Variants in FSD1 observed in about 807,000 individuals in gnomAD.
The protein encoded by FSD1 is fibronectin type III and SPRY domain-containing protein 1.
FSD1 carries 23 observed loss-of-function variants against 58.2 expected under a neutral mutation model. The observed-to-expected ratio is 0.40, with a 90% CI of 0.28 to 0.56. The LOEUF is 0.56. Ranked by LOEUF, FSD1 falls within the 20% of genes least tolerant of loss-of-function variation. FSD1 has a pLI of 0.54. For synonymous variants in FSD1, 265 were observed against 263.4 expected, an observed-to-expected ratio of 1.01 and a Z score of -0.06; for missense variants, 563 against 670.8, an observed-to-expected ratio of 0.84 and a Z score of 1.78.
intron 7 of FSD1, among the ~76,000 whole-genome samples, chr19:4,315,098 G>A (rs1971738622): frequency 6.6e-6 from 1 of 151,846 alleles, no homozygotes; most frequent in Non-Finnish European, 1.5e-5. Context: ...GGGAGGGTTT[G>A]GGTTATTTTC....
At chr19:4,305,191 C>G (rs1040209235) in intron 1 of FSD1, among the ~76,000 whole-genome samples, 2 of 149,092 alleles carry the variant, frequency 1.3e-5, no homozygotes, top group Non-Finnish European at 3.0e-5. Context: ...CGAGCGGGAT[C>G]CTCCCTCCCA....
rs765632467 is a variant in FSD1 at position 4,311,824 on chromosome 19, C to T, written c.491-18C>T. 1.2e-6 allele frequency: 2 copies of T among 1,613,332 alleles called. No homozygotes were observed. Among genetic ancestry groups the T allele is most frequent in the South Asian group, 2.2e-5 (2 of 91,036 alleles). ...CAGGCACAGAATCCCGACCCCCTCTCCTTTCCGTCTTGGTCAGTGCCCAGC... is the reference window on the plus strand; with the variant it reads ...CAGGCACAGAATCCCGACCCCCTCTTCTTTCCGTCTTGGTCAGTGCCCAGC... On this transcript the variant is annotated intron_variant, in intron 6 of 12. Coordinates refer to ENST00000221856, the MANE Select transcript of FSD1 (RefSeq NM_024333.3).
At chr19:4,310,043 C>G (rs1419444889) in intron 4 of FSD1, among the ~76,000 whole-genome samples, 1 of 151,720 alleles carries the variant, frequency 6.6e-6, no homozygotes, top group African/African-American at 2.4e-5. Context: ...GTGTGGCCAA[C>G]ATGGCAAAAC....
chr19:4,315,141 T>C (rs1341648539), intron 7 of FSD1, among the ~76,000 whole-genome samples: 2 of 152,000 alleles, frequency 1.3e-5, no homozygotes, highest in Non-Finnish European at 2.9e-5. Context: ...TTTTCTTTTT[T>C]TTGAGACAGA....
intron 8 of FSD1, 82 bp from the exon 9 acceptor site, chr19:4,318,264 G>A: frequency 6.4e-7 from 1 of 1,573,412 alleles, no homozygotes; most frequent in South Asian, 1.1e-5. Flanking sequence ...GGTCTGTCTT[G>A]GTCACTCTCT....
At chr19:4,318,312 C>T (rs776516335) in intron 8 of FSD1, 34 bp from the exon 9 acceptor site, 7 of 1,613,316 alleles carry the variant, frequency 4.3e-6, no homozygotes, top group South Asian at 1.1e-5. Flanking sequence ...CGGGTTTCCC[C>T]ATCTCTGTGA....
intron 4 of FSD1, 73 bp downstream of exon 4, chr19:4,308,056 A>G (rs1971642631): frequency 2.5e-6 from 3 of 1,201,414 alleles, no homozygotes; most frequent in Non-Finnish European, 3.6e-6. Flanking sequence ...GAACAAGCAC[A>G]TTTTTAGTGT....
chr19:4,304,776 G>T lies in FSD1; in HGVS notation c.15+15G>T, dbSNP rs1257612149. ...AAGAACAGAGGGTAGGACGGGGTGG[G>T]GCAGGGCGGGCCCGCAGGGGCGTCG... is the stretch of plus-strand genomic sequence containing the variant. On this transcript the variant is annotated intron_variant, in intron 1 of 12. Transcript: ENST00000221856. The T allele has an allele frequency of 2.0e-6, 1 of 488,518 alleles. No individual in the cohort carries two copies. The highest frequency in any genetic ancestry group is 1.2e-4 in the South Asian group (1 of 8,228). 30.3% of individuals were successfully genotyped at this position (488,518 alleles called of 1,614,324 possible).
Position 4,318,929 on chromosome 19 carries a change from C to G in FSD1, c.1017C>G (p.Thr339=). The change falls in exon 10 of 13, where the codon ACC becomes ACG. Residue 339 remains threonine (T), a synonymous_variant. Transcript: ENST00000221856. ...PSGRGGRDRF[T]AESYTVLGDT... Reference sequence around the variant, plus strand: ...GTCGTGGGGGACGGGACCGCTTCACCGCTGAGTCCTACACAGTTCTGGGTA... The same window carrying G: ...GTCGTGGGGGACGGGACCGCTTCACGGCTGAGTCCTACACAGTTCTGGGTA... 1 of 1,613,606 alleles carries G rather than the reference C, an allele frequency of 6.2e-7. No homozygotes were observed. Among genetic ancestry groups the G allele is most frequent in the East Asian group, 2.2e-5 (1 of 44,880 alleles).
intron 7 of FSD1, among the ~76,000 whole-genome samples, chr19:4,315,579 A>AT (rs1299078121): frequency 7.4e-6 from 1 of 135,636 alleles, no homozygotes; most frequent in African/African-American, 2.8e-5. Context: ...AAGTGCTGGG[A>AT]TTACAGGCGT....
In FSD1 at chr19:4,323,002, C is replaced by A. The variant is rs767149220; in HGVS notation, c.1056C>A (p.Asp352Glu). Residue 352 changes from aspartate (D) to glutamate (E), a missense_variant, in exon 11 of 13, where the codon GAC becomes GAA. Transcript: ENST00000221856. The surrounding 1 kb of genome is among the most constrained non-coding windows in gnomAD (Gnocchi z 7.7). The part of the protein sequence containing the change: ...SYTVLGDTLI[D>E]GGEHYWEVRY... Reference sequence around the variant, plus strand: ...GCGCCACAGGGGACACGCTGATCGACGGCGGGGAGCATTACTGGGAGGTGC... The same window carrying A: ...GCGCCACAGGGGACACGCTGATCGAAGGCGGGGAGCATTACTGGGAGGTGC... 6.2e-7 allele frequency: 1 copy of A among 1,610,968 alleles called. No individual in the cohort carries two copies. The highest frequency in any genetic ancestry group is 1.1e-5 in the South Asian group (1 of 90,796).
intron 3 of FSD1, 29 bp downstream of exon 3, chr19:4,306,358 C>T (rs1971622119): frequency 3.7e-6 from 6 of 1,611,552 alleles, no homozygotes; most frequent in Non-Finnish European, 5.1e-6. Flanking sequence ...TTCCTCTCCC[C>T]CCGCCCCTCC....
At chr19:4,313,577 G>A (rs1407564552) in intron 7 of FSD1, among the ~76,000 whole-genome samples, 2 of 151,922 alleles carry the variant, frequency 1.3e-5, no homozygotes, top group African/African-American at 4.8e-5. Flanking sequence ...AATTAGCTGG[G>A]TGTGGTGGCG....
At position 4,311,934 on chromosome 19, in the gene FSD1, A is replaced by C; in HGVS notation, c.583A>C (p.Ile195Leu). 6.2e-7 allele frequency: 1 copy of C among 1,614,004 alleles called. No homozygotes were observed. Among genetic ancestry groups the C allele is most frequent in the South Asian group, 1.1e-5 (1 of 91,078 alleles). Reference protein sequence around the residue: ...VWRMPDEDSKIDHYVLEYRRT... With the variant: ...VWRMPDEDSKLDHYVLEYRRT... ...GCGCATGCCGGATGAGGACAGCAAGATTGACCACTACGTGCTGGAGTACCG... is the reference window on the plus strand; with the variant it reads ...GCGCATGCCGGATGAGGACAGCAAGCTTGACCACTACGTGCTGGAGTACCG... Residue 195 changes from isoleucine (I) to leucine (L), a missense_variant, in exon 7 of 13, where the codon ATT (isoleucine) becomes CTT (leucine). Transcript: ENST00000221856.
At chr19:4,318,771 C>A in intron 9 of FSD1, 101 bp from the exon 10 acceptor site, 1 of 960,844 alleles carries the variant, frequency 1.0e-6, no homozygotes, top group Non-Finnish European at 1.7e-6. Context: ...GAGATTGACC[C>A]AACATCCACG....
At chr19:4,309,656 TC>T (rs1194269981) in intron 4 of FSD1, among the ~76,000 whole-genome samples, 3 of 152,168 alleles carry the variant, frequency 2.0e-5, no homozygotes, top group African/African-American at 7.2e-5. Flanking sequence ...ACGCCTGTAA[TC>T]CCAGCACTTT....
At chr19:4,310,191 A>G in intron 4 of FSD1, 82 bp from the exon 5 acceptor site, 2 of 1,528,530 alleles carry the variant, frequency 1.3e-6, no homozygotes, top group Non-Finnish European at 9.1e-7. Flanking sequence ...CTCCACTGCA[A>G]TCCAGCCTGG....
chr19:4,306,826 T>C (rs2144754630), intron 3 of FSD1, among the ~76,000 whole-genome samples: 1 of 152,174 alleles, frequency 6.6e-6, no homozygotes, highest in East Asian at 1.9e-4. Flanking sequence ...CCCTCCTGTC[T>C]TCACTCAGTG....
At chr19:4,317,996 G>A (rs1297368453) in intron 8 of FSD1, among the ~76,000 whole-genome samples, 1 of 152,068 alleles carries the variant, frequency 6.6e-6, no homozygotes, top group Non-Finnish European at 1.5e-5. Context: ...CAGCCTGGGC[G>A]ACAGAGCGAG....
Sources: gnomAD v4.1 joint callset for allele counts (sites outside exome capture counted in the v4.1 genomes callset) on GRCh38, gnomAD v4.1.1 for gene constraint, Gnocchi (gnomAD v3.1) non-coding constraint, MANE v1.5 for transcripts, NCBI Gene and HGNC (gene_info 2026-07-23, HGNC 2026-07-21) for gene names.